Variants in LPP observed in about 807,000 individuals in gnomAD.
The protein encoded by LPP is LIM domain containing preferred translocation partner in lipoma, also known as lipoma-preferred partner.
A neutral mutation model predicts 60.4 loss-of-function variants in LPP; 38 were observed. The observed-to-expected ratio is 0.63, with a 90% CI of 0.49 to 0.83. LPP has a LOEUF of 0.83. Ranked by LOEUF, LPP falls within the 40% of genes least tolerant of loss-of-function variation. The pLI, the probability that LPP is intolerant of heterozygous loss-of-function variation, is 0.00. For synonymous variants in LPP, 328 were observed against 290.8 expected (o/e 1.13, Z -1.30); for missense variants, 902 against 783.6 (o/e 1.15, Z -1.80).
chr3:188,734,247 A>G lies in LPP; in HGVS notation c.1240+25854A>G, dbSNP rs549515141. ...ATTTATCATAAAGGTGTTATAATTC[A>G]GTCATTCTTCCACATAAGAATTATT... On this transcript the variant is annotated intron_variant, in intron 8 of 11. Coordinates refer to ENST00000617246, the MANE Select transcript of LPP (RefSeq NM_001375462.1). 7.9e-5 allele frequency among the ~76,000 whole-genome samples: 12 copies of G among 152,366 alleles called. No individual in the cohort carries two copies. The East Asian group carries it at 2.1e-3, about 27-fold the overall frequency.
chr3:188,574,244 A>G lies in LPP; in HGVS notation c.430-34917A>G, dbSNP rs572778619. On this transcript the variant is annotated intron_variant, in intron 6 of 11. Coordinates refer to ENST00000617246, the MANE Select transcript of LPP (RefSeq NM_001375462.1). ...TATATAATAACCGTCTGGGTGACTC[A>G]CAAATCTATTATAGCATTTAATTAA... Among the ~76,000 whole-genome samples, 50 of 152,294 alleles carry G rather than the reference A, an allele frequency of 3.3e-4. 1 individual carries two copies. The highest frequency in any genetic ancestry group is 1.1e-3 in the African/African-American group (47 of 41,570).
chr3:188,854,791 T>C (rs1763437042), intron 9 of LPP, among the ~76,000 whole-genome samples: 1 of 152,192 alleles, frequency 6.6e-6, no homozygotes, highest in Admixed American at 6.5e-5. Context: ...CACTTATAGC[T>C]TACTGTAATT....
At chr3:188,473,613 C>G (rs766103765) in intron 4 of LPP, among the ~76,000 whole-genome samples, 15 of 152,196 alleles carry the variant, frequency 9.9e-5, no homozygotes, top group Non-Finnish European at 1.3e-4. Context: ...ATACACACCA[C>G]TGGTTAAAAG....
chr3:188,433,351 G>A (rs963953134), intron 4 of LPP, among the ~76,000 whole-genome samples: 9 of 152,026 alleles, frequency 5.9e-5, no homozygotes, highest in Non-Finnish European at 1.2e-4. Flanking sequence ...CAATCATTTT[G>A]TAACCAGGCA....
At chr3:188,208,663 A>G (rs180884495) in intron 1 of LPP, among the ~76,000 whole-genome samples, 4 of 152,092 alleles carry the variant, frequency 2.6e-5, no homozygotes, top group Non-Finnish European at 5.9e-5. Flanking sequence ...GTCCATCTCT[A>G]TTACCTCCTT....
chr3:188,522,784 AATATATATATATATATATATAT>A (rs61033243), intron 5 of LPP, among the ~76,000 whole-genome samples: 25 of 125,312 alleles, frequency 2.0e-4, no homozygotes, highest in Admixed American at 6.4e-4. Flanking sequence ...GATAATATGA[AATATATATATATATATATATAT>A]ATATATATAT....
At chr3:188,697,747 AG>A (rs2149542130) in intron 7 of LPP, among the ~76,000 whole-genome samples, 1 of 152,352 alleles carries the variant, frequency 6.6e-6, no homozygotes, top group Admixed American at 6.5e-5. Flanking sequence ...TCCTGACATA[AG>A]TCTTGTTAAC....
chr3:188,753,922 A>C (rs1729153296), intron 8 of LPP, among the ~76,000 whole-genome samples: 2 of 152,308 alleles, frequency 1.3e-5, no homozygotes, highest in East Asian at 1.9e-4. Context: ...ACAGTGACAG[A>C]ACTACATGTG....
chr3:188,516,580 G>T (rs1817428492), intron 5 of LPP, among the ~76,000 whole-genome samples: 1 of 149,426 alleles, frequency 6.7e-6, no homozygotes, highest in Non-Finnish European at 1.5e-5. Flanking sequence ...AATTCACTCA[G>T]TACCCACCCT....
chr3:188,234,140 A>T (rs1026737956), intron 2 of LPP, among the ~76,000 whole-genome samples: 4 of 152,090 alleles, frequency 2.6e-5, no homozygotes, highest in Middle Eastern at 3.2e-3. Context: ...TGTAATAGCA[A>T]ACCCCCACCC....
chr3:188,780,521 T>C (rs1049396618), intron 9 of LPP, among the ~76,000 whole-genome samples: 4 of 152,162 alleles, frequency 2.6e-5, no homozygotes, highest in Non-Finnish European at 4.4e-5. Context: ...ATCTGTGAAG[T>C]TGGGGAAGGA....
At chr3:188,449,090 A>G (rs1342179712) in intron 4 of LPP, among the ~76,000 whole-genome samples, 1 of 152,208 alleles carries the variant, frequency 6.6e-6, no homozygotes, top group Non-Finnish European at 1.5e-5. Flanking sequence ...AGCAACAACA[A>G]TAGCTCTGAG....
At chr3:188,212,718 G>C (rs1285484538) in intron 1 of LPP, 4 of 141,032 alleles carry the variant, frequency 2.8e-5, no homozygotes, top group African/African-American at 1.1e-4. Context: ...TCTCAGTTCT[G>C]TTCCCTTCAG....
chr3:188,428,596 A>ATATATAT (rs1553895829), intron 4 of LPP, among the ~76,000 whole-genome samples: 113 of 142,692 alleles, frequency 7.9e-4, no homozygotes, highest in African/African-American at 2.7e-3. Context: ...ATATATATAT[A>ATATATAT]TTTTTTTTTT....
At chr3:188,513,595 T>C (rs1260143088) in intron 5 of LPP, among the ~76,000 whole-genome samples, 1 of 152,070 alleles carries the variant, frequency 6.6e-6, no homozygotes, top group Non-Finnish European at 1.5e-5. Context: ...TTGACCTTTA[T>C]TTTAATTGTA....
At chr3:188,452,603 T>C (rs1796850747) in intron 4 of LPP, among the ~76,000 whole-genome samples, 1 of 152,126 alleles carries the variant, frequency 6.6e-6, no homozygotes, top group Non-Finnish European at 1.5e-5. Flanking sequence ...CACTCCTGAC[T>C]TCCAGACCTT....
rs138695876 is a variant in LPP, at chr3:188,696,527, T to C, written c.1114-11740T>C. Among the ~76,000 whole-genome samples, 998 of 152,208 alleles carry C rather than the reference T, an allele frequency of 6.6e-3. 9 individuals are homozygous for C. The highest frequency in any genetic ancestry group is 0.023 in the African/African-American group (971 of 41,522). On this transcript the variant is annotated intron_variant, in intron 7 of 11. Transcript: ENST00000617246. Reference sequence around the variant, plus strand: ...TGAACCTGGGAGGCATAGGATGCAATGAGCTGAGATTATGCCACTGCTCTC... The same window carrying C: ...TGAACCTGGGAGGCATAGGATGCAACGAGCTGAGATTATGCCACTGCTCTC...
intron 9 of LPP, among the ~76,000 whole-genome samples, chr3:188,776,534 G>C (rs1014887303): frequency 6.6e-6 from 1 of 152,110 alleles, no homozygotes; most frequent in Non-Finnish European, 1.5e-5. Context: ...GTATCAAATA[G>C]TCTTAGACTC....
chr3:188,186,604 A>G (rs1726672567), intron 1 of LPP, among the ~76,000 whole-genome samples: 1 of 148,016 alleles, frequency 6.8e-6, no homozygotes, highest in Admixed American at 6.7e-5. Context: ...TTTTTTTTTA[A>G]TTTAAAAGGT....
Sources: gnomAD v4.1 joint callset for allele counts (sites outside exome capture counted in the v4.1 genomes callset) on GRCh38, gnomAD v4.1.1 for gene constraint, MANE v1.5 for transcripts, NCBI Gene and HGNC (gene_info 2026-07-23, HGNC 2026-07-21) for gene names.